CNTNAP3: variants seen among roughly 807,000 people sequenced by gnomAD.
The protein encoded by CNTNAP3 is contactin associated protein family member 3.
A neutral mutation model predicts 92.1 loss-of-function variants in CNTNAP3; 36 were observed. The observed-to-expected ratio is 0.39, with a 90% confidence interval of 0.30 to 0.52. The LOEUF is 0.52. Ranked by LOEUF, CNTNAP3 falls within the 20% of genes least tolerant of loss-of-function variation. The pLI, the probability that CNTNAP3 is intolerant of heterozygous loss-of-function variation, is 0.76. For missense variants in CNTNAP3, 534 were observed against 1,069.6 expected, an observed-to-expected ratio of 0.50 and a Z score of 6.98; for synonymous variants, 232 against 422.3, an observed-to-expected ratio of 0.55 and a Z score of 5.53.
rs1825627250 is a variant in CNTNAP3 at position 39,071,111 on chromosome 9, A to G, written c.*2779T>C. The stretch of plus-strand genomic sequence containing the variant: ...CTATAAAACTGAGGGAGCAGGTTAA[A>G]AAAATCTTACATGTTAATACATGAC... On this transcript the variant is annotated 3_prime_UTR_variant, in exon 24 of 24. Transcript: ENST00000297668. Among the ~76,000 whole-genome samples, 1 of 152,184 alleles carries G rather than the reference A, an allele frequency of 6.6e-6. No homozygotes were observed. The highest frequency in any genetic ancestry group is 1.5e-5 in the Non-Finnish European group (1 of 68,000).
At chr9:39,159,307 G>C (rs1002383507) in intron 9 of CNTNAP3, 3 of 145,370 alleles carry the variant, frequency 2.1e-5, no homozygotes, top group Non-Finnish European at 4.6e-5. Flanking sequence ...AACTGTGTTG[G>C]CTATTTTGAC....
At chr9:39,146,485 C>T (rs1013316008) in intron 10 of CNTNAP3, among the ~76,000 whole-genome samples, 146 of 152,222 alleles carry the variant, frequency 9.6e-4, no homozygotes, top group African/African-American at 3.1e-3. Context: ...GTCAGGAGAT[C>T]GAGACCATCC....
chr9:39,128,809 A>C (rs553465628), intron 13 of CNTNAP3, among the ~76,000 whole-genome samples: 1 of 151,600 alleles, frequency 6.6e-6, no homozygotes, highest in East Asian at 1.9e-4. Flanking sequence ...ATTAAGTTCA[A>C]AAAAGAGCTT....
chr9:39,109,313 A>G (rs781354150), intron 14 of CNTNAP3, 26 bp from the exon 15 acceptor site: 1 of 1,609,990 alleles, frequency 6.2e-7, no homozygotes, highest in Non-Finnish European at 8.5e-7. Flanking sequence ...CGAAACCATT[A>G]AAATTATTCT....
chr9:39,116,592 T>C (rs1439584958), intron 14 of CNTNAP3, among the ~76,000 whole-genome samples: 1 of 152,218 alleles, frequency 6.6e-6, no homozygotes, highest in African/African-American at 2.4e-5. Context: ...ATGGATCAGA[T>C]CTGTTCCTGT....
At chr9:39,110,164 G>A (rs554175865) in intron 14 of CNTNAP3, among the ~76,000 whole-genome samples, 1 of 152,272 alleles carries the variant, frequency 6.6e-6, no homozygotes, top group South Asian at 2.1e-4. Flanking sequence ...AGGAGACTGG[G>A]GTGGGCAGAT....
intron 14 of CNTNAP3, among the ~76,000 whole-genome samples, chr9:39,111,311 T>G (rs1349068732): frequency 6.6e-6 from 1 of 152,162 alleles, no homozygotes; most frequent in Non-Finnish European, 1.5e-5. Context: ...ATCAACTTCT[T>G]TTATAAAAGA....
At chr9:39,131,902 G>T (rs1362219873) in intron 13 of CNTNAP3, among the ~76,000 whole-genome samples, 2 of 150,670 alleles carry the variant, frequency 1.3e-5, no homozygotes, top group Admixed American at 1.3e-4. Context: ...GTATGGGTTA[G>T]CGGATCAGCG....
rs1825627135 is a variant in CNTNAP3, at chr9:39,071,109, A to T, written c.*2781T>A. ...ATCTATAAAACTGAGGGAGCAGGTT[A>T]AAAAAATCTTACATGTTAATACATG... On this transcript the variant is annotated 3_prime_UTR_variant, in exon 24 of 24. Coordinates refer to ENST00000297668, the MANE Select transcript of CNTNAP3 (RefSeq NM_033655.5). Among the ~76,000 whole-genome samples, 1 of 152,206 alleles carries T rather than the reference A, an allele frequency of 6.6e-6. No homozygotes were observed. The highest frequency in any genetic ancestry group is 2.4e-5 in the African/African-American group (1 of 41,460).
Position 39,068,652 on chromosome 9 carries a change from T to C in CNTNAP3, c.*5238A>G, listed in dbSNP as rs1159725119. 3.3e-5 allele frequency among the ~76,000 whole-genome samples: 5 copies of C among 152,414 alleles called. No individual in the cohort carries two copies. Among genetic ancestry groups the C allele is most frequent in the Non-Finnish European group, 7.3e-5 (5 of 68,034 alleles). On this transcript the variant is annotated 3_prime_UTR_variant, in exon 24 of 24. Transcript: ENST00000297668. ...TGCAAAGTTTTCTCCAATGCAGCTC[T>C]TTCCTCGCCGGTACTCTATCCTGCA...
chr9:39,113,676 T>C (rs1357680525), intron 14 of CNTNAP3, among the ~76,000 whole-genome samples: 2 of 152,098 alleles, frequency 1.3e-5, no homozygotes, highest in African/African-American at 2.4e-5. Flanking sequence ...ATATTCATTA[T>C]TGATTACAGT....
At chr9:39,093,075 T>G (rs938225727) in intron 18 of CNTNAP3, among the ~76,000 whole-genome samples, 13 of 141,058 alleles carry the variant, frequency 9.2e-5, no homozygotes, top group African/African-American at 3.4e-4. Context: ...TTCCCTTCTT[T>G]TATTTTCAAC....
chr9:39,134,097 T>C (rs1360773899), intron 12 of CNTNAP3, among the ~76,000 whole-genome samples: 2 of 152,194 alleles, frequency 1.3e-5, no homozygotes, highest in African/African-American at 4.8e-5. Context: ...GGCTGCTAAC[T>C]GTGCGTAAGA....
chr9:39,106,343 TG>T (rs1315668962), intron 15 of CNTNAP3: 1 of 152,100 alleles, frequency 6.6e-6, no homozygotes, highest in East Asian at 1.9e-4. Context: ...CAGGCTGGAG[TG>T]CAGTGGCATG....
At chr9:39,076,468 C>T (rs1825766490) in intron 23 of CNTNAP3, among the ~76,000 whole-genome samples, 1 of 152,312 alleles carries the variant, frequency 6.6e-6, no homozygotes, top group African/African-American at 2.4e-5. Flanking sequence ...TTTTGTTCAT[C>T]AGGTCATGTA....
At chr9:39,133,194 G>A (rs1191239667) in intron 12 of CNTNAP3, 59 bp from the exon 13 acceptor site, 15 of 1,514,820 alleles carry the variant, frequency 9.9e-6, no homozygotes, top group Non-Finnish European at 3.6e-6. Context: ...GCAGCAAGAG[G>A]CAAAGCAGAC....
At chr9:39,119,186 C>T (rs1820941312) in intron 13 of CNTNAP3, among the ~76,000 whole-genome samples, 1 of 152,042 alleles carries the variant, frequency 6.6e-6, no homozygotes, top group Admixed American at 6.5e-5. Context: ...GATGCTTGAT[C>T]ATGTGGTGCT....
chr9:39,104,703 T>C (rs1436190216), intron 15 of CNTNAP3, among the ~76,000 whole-genome samples: 1 of 152,128 alleles, frequency 6.6e-6, no homozygotes, highest in Non-Finnish European at 1.5e-5. Context: ...GACTTTTTGG[T>C]ATTTTTCAGT....
rs1214160376 is a variant in CNTNAP3, at chr9:39,067,692, G to A, written c.*6198C>T. Reference sequence around the variant, plus strand: ...ATTACAGGCATGAGCCACTGTGCCCGGCCTGGTGTTGGATAGTTTTATGTT... The same window carrying A: ...ATTACAGGCATGAGCCACTGTGCCCAGCCTGGTGTTGGATAGTTTTATGTT... On this transcript the variant is annotated 3_prime_UTR_variant, in exon 24 of 24. Coordinates refer to ENST00000297668, the MANE Select transcript of CNTNAP3 (RefSeq NM_033655.5). Among the ~76,000 whole-genome samples the A allele has an allele frequency of 2.1e-4, 32 of 152,302 alleles. No homozygotes were observed. The South Asian group carries it at 5.3e-3, about 25-fold the overall frequency.
Sources: allele counts gnomAD v4.1 joint callset (sites outside exome capture counted in the v4.1 genomes callset), GRCh38; gene constraint gnomAD v4.1.1; transcripts MANE v1.5; gene names NCBI Gene and HGNC (gene_info 2026-07-23, HGNC 2026-07-21).